Variants in ATG7 observed in about 807,000 individuals in gnomAD.
ATG7 encodes the protein autophagy related 7, also known as ubiquitin-like modifier-activating enzyme ATG7.
Under a neutral mutation model 82.4 loss-of-function variants are expected in ATG7, and 70 were observed. The ratio of observed to expected loss-of-function variants is 0.85; its 90% CI spans 0.70 to 1.04. The LOEUF (loss-of-function observed/expected upper bound fraction) is 1.04, where lower values mean the gene tolerates loss of function less well. ATG7 is among the 50% of genes least tolerant of loss of function. The pLI is 0.00. For missense variants in ATG7, 792 were observed against 864.3 expected, an observed-to-expected ratio of 0.92 and a Z score of 1.05; for synonymous variants, 287 against 313.0, an observed-to-expected ratio of 0.92 and a Z score of 0.88.
intron 20 of ATG7, among the ~76,000 whole-genome samples, chr3:11,548,248 A>G (rs2125051515): frequency 6.6e-6 from 1 of 152,278 alleles, no homozygotes; most frequent in South Asian, 2.1e-4. Context: ...TATGTTGCCC[A>G]GGCTGGTCTC....
At position 11,519,542 on chromosome 3, in the gene ATG7, T is replaced by G. The variant is rs888960448; in HGVS notation, c.2080-35269T>G. 1.8e-3 allele frequency among the ~76,000 whole-genome samples: 68 copies of G among 38,472 alleles called. No individual in the cohort carries two copies. The South Asian group carries it at 0.026, about 15-fold the overall frequency. 25.2% of individuals were successfully genotyped at this position (38,472 alleles called of 152,430 possible). A position where few individuals can be genotyped will look rare whatever the true frequency, so the allele number is the denominator to read the frequency against. ...TGAAAGGCAGGCAGTGAGAGGAGTT[T>G]TTTTTTTTTTTTTTTTTTTTTTTTT... On this transcript the variant is annotated intron_variant, in intron 20 of 20. Transcript: ENST00000693202.
intron 5 of ATG7, among the ~76,000 whole-genome samples, chr3:11,303,703 T>A (rs1947194010): frequency 6.6e-6 from 1 of 151,036 alleles, no homozygotes; most frequent in African/African-American, 2.4e-5. Flanking sequence ...TCTCTGGGCC[T>A]CAAATGATCA....
At chr3:11,501,808 G>C (rs1559760341) in intron 20 of ATG7, among the ~76,000 whole-genome samples, 1 of 152,134 alleles carries the variant, frequency 6.6e-6, no homozygotes, top group Non-Finnish European at 1.5e-5. Flanking sequence ...TCCTGCCTCA[G>C]CCTCCTGAGT....
chr3:11,559,226 C>G, downstream of ATG7: 2 of 1,432,592 alleles, frequency 1.4e-6, no homozygotes, highest in Non-Finnish European at 1.8e-6. Context: ...TCAACCTCAG[C>G]AATAGATGGG....
At chr3:11,533,706 C>G (rs1341404152) in intron 20 of ATG7, among the ~76,000 whole-genome samples, 1 of 152,026 alleles carries the variant, frequency 6.6e-6, no homozygotes, top group African/African-American at 2.4e-5. Flanking sequence ...TTTTTTGAAG[C>G]CACAGTTGTT....
intron 9 of ATG7, among the ~76,000 whole-genome samples, chr3:11,316,071 T>C (rs952779354): frequency 6.6e-6 from 1 of 152,134 alleles, no homozygotes; most frequent in Non-Finnish European, 1.5e-5. Flanking sequence ...CCTCCTGATG[T>C]ATTTTACCCT....
chr3:11,467,565 G>A lies in ATG7; in HGVS notation c.2079+40639G>A, dbSNP rs550447303. ...TAATTTTTGTATTTTTAGTAGAGGC[G>A]GGGTTTCACCATGTTCGCCAGGCTG... On this transcript the variant is annotated intron_variant, in intron 20 of 20. Coordinates refer to ENST00000693202, the MANE Select transcript of ATG7 (RefSeq NM_001349232.2). 2.6e-5 allele frequency among the ~76,000 whole-genome samples: 4 copies of A among 152,196 alleles called. No homozygotes were observed. In the East Asian group the frequency reaches 7.7e-4, roughly 29 times the overall value.
At chr3:11,290,045 T>C (rs564384352) in intron 3 of ATG7, among the ~76,000 whole-genome samples, 1 of 152,176 alleles carries the variant, frequency 6.6e-6, no homozygotes, top group Non-Finnish European at 1.5e-5. Flanking sequence ...GTAGCTGCAG[T>C]CTATAGTATA....
chr3:11,546,723 C>G (rs1023434263), intron 20 of ATG7, among the ~76,000 whole-genome samples: 1 of 152,170 alleles, frequency 6.6e-6, no homozygotes, highest in Non-Finnish European at 1.5e-5. Context: ...CCAGGCTGAG[C>G]CTTCTCCCTC....
intron 20 of ATG7, among the ~76,000 whole-genome samples, chr3:11,464,976 C>T (rs1217208381): frequency 6.6e-6 from 1 of 152,126 alleles, no homozygotes; most frequent in Non-Finnish European, 1.5e-5. Context: ...ACAGATGCCA[C>T]ATCTATCATC....
chr3:11,391,815 A>AT (rs1329738471), intron 19 of ATG7, among the ~76,000 whole-genome samples: 2 of 152,106 alleles, frequency 1.3e-5, no homozygotes, highest in Non-Finnish European at 2.9e-5. Context: ...TTCCCAGTCT[A>AT]TCAGATGGAG....
intron 14 of ATG7, among the ~76,000 whole-genome samples, chr3:11,353,185 T>G (rs1308545447): frequency 6.6e-6 from 1 of 152,206 alleles, no homozygotes; most frequent in Non-Finnish European, 1.5e-5. Context: ...GGCTGATGCC[T>G]ATAATCCCAG....
intron 11 of ATG7, among the ~76,000 whole-genome samples, chr3:11,339,157 A>G (rs1166413106): frequency 6.6e-6 from 1 of 151,952 alleles, no homozygotes; most frequent in South Asian, 2.1e-4. Flanking sequence ...TTAGCCGGGC[A>G]TGCTGGCGGG....
At chr3:11,353,809 A>G (rs1559455489) in intron 14 of ATG7, among the ~76,000 whole-genome samples, 2 of 152,142 alleles carry the variant, frequency 1.3e-5, no homozygotes, top group African/African-American at 2.4e-5. Context: ...TTCTCATACA[A>G]CCTGGAGAAC....
chr3:11,340,666 G>A lies in ATG7; in HGVS notation c.911G>A (p.Trp304Ter), dbSNP rs755465004. The A allele has an allele frequency of 1.2e-6, 2 of 1,613,642 alleles. No individual in the cohort carries two copies. Among genetic ancestry groups the A allele is most frequent in the South Asian group, 2.2e-5 (2 of 91,044 alleles). ...FSPDCPKAVGWEKNQKGGMGP... is the reference protein window; with the variant it reads ...FSPDCPKAVG The stretch of plus-strand genomic sequence containing the variant: ...TAAGATTGTCCTAAAGCAGTTGGAT[G>A]GGAAAAGAACCAGAAAGGAGGCATG... The change falls in exon 12 of 21, where the codon TGG becomes TAG. Residue 304 changes from tryptophan to a stop codon, truncating the protein, a stop_gained. Coordinates refer to ENST00000693202, the MANE Select transcript of ATG7 (RefSeq NM_001349232.2). LOFTEE classifies it high-confidence loss of function.
At position 11,358,543 on chromosome 3, in the gene ATG7, C is replaced by T. The variant is rs759366450; in HGVS notation, c.1410C>T (p.Val470=). The part of the protein sequence containing the change: ...QLEQLIESHD[V]VFLLMDTRES... ...AGCAGCTCATCGAAAGCCATGATGTCGTCTTCCTATTGATGGACACCAGGG... is the reference window on the plus strand; with the variant it reads ...AGCAGCTCATCGAAAGCCATGATGTTGTCTTCCTATTGATGGACACCAGGG... The change falls in exon 15 of 21, where the codon GTC becomes GTT. Residue 470 remains valine, a synonymous_variant. Transcript: ENST00000693202. 2.6e-5 allele frequency: 42 copies of T among 1,613,962 alleles called. 2 individuals are homozygous for T. In the South Asian group the frequency reaches 4.1e-4, roughly 16 times the overall value.
chr3:11,507,839 G>A (rs2091823394), intron 20 of ATG7, among the ~76,000 whole-genome samples: 1 of 152,112 alleles, frequency 6.6e-6, no homozygotes, highest in African/African-American at 2.4e-5. Context: ...TTAAAGGACT[G>A]GACCTGGCAG....
intron 3 of ATG7, among the ~76,000 whole-genome samples, chr3:11,288,029 A>G (rs1037753544): frequency 1.3e-5 from 2 of 152,190 alleles, no homozygotes; most frequent in Non-Finnish European, 2.9e-5. Context: ...GGTTGTAAAA[A>G]AAATAAAATA....
At chr3:11,531,432 T>C (rs1356246595) in intron 20 of ATG7, among the ~76,000 whole-genome samples, 1 of 152,110 alleles carries the variant, frequency 6.6e-6, no homozygotes, top group African/African-American at 2.4e-5. Flanking sequence ...CTTCCTGAGG[T>C]CCCACCACCC....
Sources: allele counts gnomAD v4.1 joint callset (sites outside exome capture counted in the v4.1 genomes callset), GRCh38; gene constraint gnomAD v4.1.1; transcripts MANE v1.5; gene names NCBI Gene and HGNC (gene_info 2026-07-23, HGNC 2026-07-21).